The following TIMP2 variants were observed in gnomAD, a reference collection of about 807,000 sequenced individuals.
TIMP2 encodes the protein metalloproteinase inhibitor 2.
In TIMP2, 5 loss-of-function variants were observed where a neutral mutation model predicts 24.3. The ratio of observed to expected loss-of-function variants is 0.21; its 90% confidence interval spans 0.11 to 0.43. TIMP2 has a LOEUF of 0.43. Among genes scored for constraint, TIMP2 ranks in the 20% least tolerant of loss-of-function variants. TIMP2 has a pLI of 1.00. For missense variants in TIMP2, 221 were observed against 297.5 expected (o/e 0.74, Z 1.89); for synonymous variants, 130 against 123.2 (o/e 1.06, Z -0.37).
intron 1 of TIMP2, among the ~76,000 whole-genome samples, chr17:78,911,646 G>A (rs972876604): frequency 1.3e-5 from 2 of 151,896 alleles, no homozygotes; most frequent in African/African-American, 2.4e-5. Context: ...GGCCAGGCTT[G>A]TTTCAAATTC....
intron 3 of TIMP2, among the ~76,000 whole-genome samples, chr17:78,860,287 C>T (rs2069557746): frequency 6.6e-6 from 1 of 152,224 alleles, no homozygotes; most frequent in Non-Finnish European, 1.5e-5. Flanking sequence ...CTGGCAGAGA[C>T]TGATGGGCAA....
intron 1 of TIMP2, among the ~76,000 whole-genome samples, chr17:78,890,234 C>T (rs2069867855): frequency 1.4e-5 from 2 of 147,126 alleles, no homozygotes; most frequent in African/African-American, 5.1e-5. Flanking sequence ...ACGAGTCTCA[C>T]TCTGTCACCC....
chr17:78,892,069 G>T (rs749012703), intron 1 of TIMP2: 1 of 1,551,720 alleles, frequency 6.4e-7, no homozygotes, highest in South Asian at 1.2e-5. Context: ...CATTTTCCCT[G>T]GCCCGTCCTC....
At position 78,925,277 on chromosome 17, in the gene TIMP2, G is replaced by C. The variant is rs2070342453; in HGVS notation, c.-189C>G. 6.7e-6 allele frequency: 1 copy of C among 150,116 alleles called. No homozygotes were observed. Among genetic ancestry groups the C allele is most frequent in the Admixed American group, 6.6e-5 (1 of 15,046 alleles). 9.3% of individuals were successfully genotyped at this position (150,116 alleles called of 1,614,324 possible). ...TCTCCTCTTTGTCTCGGGGGCGCGA[G>C]GGGAGGGGCGCGGGGCGCAATTCGC... On this transcript the variant is annotated 5_prime_UTR_variant, in exon 1 of 5. Coordinates refer to ENST00000262768, the MANE Select transcript of TIMP2 (RefSeq NM_003255.5).
rs773173015 is a variant in TIMP2 at position 78,890,627 on chromosome 17, G to T, written c.131-16708C>A. 3.1e-5 allele frequency: 48 copies of T among 1,546,816 alleles called. 1 individual carries two copies. The South Asian group carries it at 4.9e-4, about 16-fold the overall frequency. Reference sequence around the variant, plus strand: ...TCAGTGATGTATTTACCCCGGGTGGGCCTCTCGCATTTAGCATATGTTCTG... The same window carrying T: ...TCAGTGATGTATTTACCCCGGGTGGTCCTCTCGCATTTAGCATATGTTCTG... On this transcript the variant is annotated intron_variant, in intron 1 of 4. Transcript: ENST00000262768.
rs1298879275 is a variant in TIMP2 at position 78,925,153 on chromosome 17, C to T, written c.-65G>A. On this transcript the variant is annotated 5_prime_UTR_variant, in exon 1 of 5. Transcript: ENST00000262768. ...GGGGTCCGGGCGCTGCTCGCGGCGG[C>T]GGGCTGGGGGCGCGGGCGGGGGCTG... is the stretch of plus-strand genomic sequence containing the variant. 3.3e-6 allele frequency: 2 copies of T among 609,850 alleles called. No individual in the cohort carries two copies. The highest frequency in any genetic ancestry group is 4.0e-6 in the Non-Finnish European group (2 of 494,360). The allele number at this position is 609,850 out of a possible 1,614,324, so 37.8% of individuals were successfully genotyped here.
In TIMP2 at chr17:78,896,823, A is replaced by T; in HGVS notation, c.131-22904T>A. On this transcript the variant is annotated intron_variant, in intron 1 of 4. Transcript: ENST00000262768. This position sits in a 1 kb window ranked among gnomAD's most constrained non-coding sequence, Gnocchi z 4.4. Reference sequence around the variant, plus strand: ...GGCCCATTCTCCTCTCTTGCTCTCTACAGCCCCGTGGCCCCAGCGCAGGAG... The same window carrying T: ...GGCCCATTCTCCTCTCTTGCTCTCTTCAGCCCCGTGGCCCCAGCGCAGGAG... 1.6e-6 allele frequency: 1 copy of T among 640,838 alleles called. No individual in the cohort carries two copies. Among genetic ancestry groups the T allele is most frequent in the Non-Finnish European group, 1.9e-6 (1 of 515,576 alleles). 39.7% of individuals were successfully genotyped at this position (640,838 alleles called of 1,614,324 possible). A position where few individuals can be genotyped will look rare whatever the true frequency, so the allele number is the denominator to read the frequency against.
At chr17:78,893,515 G>A (rs928110162) in intron 1 of TIMP2, among the ~76,000 whole-genome samples, 2 of 147,714 alleles carry the variant, frequency 1.4e-5, no homozygotes, top group Admixed American at 6.6e-5. Context: ...GGGTGTGTGC[G>A]TGTGCACATC....
At chr17:78,904,540 G>T (rs1175370360) in intron 1 of TIMP2, 1 of 152,154 alleles carries the variant, frequency 6.6e-6, no homozygotes, top group African/African-American at 2.4e-5. Flanking sequence ...TCAGGGAAGG[G>T]AGGCATTCTC....
chr17:78,902,478 G>A (rs2070109704), intron 1 of TIMP2, among the ~76,000 whole-genome samples: 2 of 152,148 alleles, frequency 1.3e-5, no homozygotes, highest in South Asian at 4.1e-4. Context: ...AATGAGTCCT[G>A]GCTAGGCCCA....
At chr17:78,874,048 G>A (rs2069708509) in intron 1 of TIMP2, 129 bp from the exon 2 acceptor site, 11 of 722,836 alleles carry the variant, frequency 1.5e-5, no homozygotes, top group Non-Finnish European at 2.5e-5. Context: ...GTGCGAGACG[G>A]GCAAGGGGCA....
intron 3 of TIMP2, among the ~76,000 whole-genome samples, chr17:78,869,656 C>CA (rs915361457): frequency 1.2e-4 from 18 of 149,932 alleles, no homozygotes; most frequent in Non-Finnish European, 1.9e-4. Context: ...ACTAAAAATA[C>CA]AAAAAAAAAT....
intron 2 of TIMP2, among the ~76,000 whole-genome samples, chr17:78,871,465 A>AG (rs1369071495): frequency 7.5e-6 from 1 of 133,334 alleles, no homozygotes; most frequent in Non-Finnish European, 1.6e-5. Context: ...AAAAAAAAAA[A>AG]AAAAAGAAAA....
intron 3 of TIMP2, among the ~76,000 whole-genome samples, chr17:78,857,940 C>T (rs2069538220): frequency 6.6e-6 from 1 of 152,024 alleles, no homozygotes; most frequent in African/African-American, 2.4e-5. Context: ...TGTGGTGTCA[C>T]ACGCCTGTAA....
intron 3 of TIMP2, among the ~76,000 whole-genome samples, chr17:78,865,196 G>A (rs895471682): frequency 5.3e-5 from 8 of 152,290 alleles, no homozygotes; most frequent in African/African-American, 7.2e-5. Context: ...TCATGGAGAC[G>A]AAGTAGAAAG....
At chr17:78,895,043 G>C (rs929953769) in intron 1 of TIMP2, among the ~76,000 whole-genome samples, 9 of 152,188 alleles carry the variant, frequency 5.9e-5, no homozygotes, top group Non-Finnish European at 1.2e-4. Flanking sequence ...CACACTGGGA[G>C]GCTGAGGCGG....
chr17:78,912,392 C>T (rs879727742), intron 1 of TIMP2, among the ~76,000 whole-genome samples: 1 of 152,128 alleles, frequency 6.6e-6, no homozygotes, highest in Admixed American at 6.5e-5. Flanking sequence ...CAATCTCTCC[C>T]GATTACAGAT....
At chr17:78,915,284 C>T (rs536347974) in intron 1 of TIMP2, among the ~76,000 whole-genome samples, 2 of 152,288 alleles carry the variant, frequency 1.3e-5, no homozygotes, top group African/African-American at 4.8e-5. Context: ...TGTCTGCTCA[C>T]TCTGTTGCGG....
chr17:78,861,484 A>C lies in TIMP2; in HGVS notation c.341-3838T>G, dbSNP rs369331474. Among the ~76,000 whole-genome samples, 26 of 152,252 alleles carry C rather than the reference A, an allele frequency of 1.7e-4. No homozygotes were observed. The East Asian group carries it at 3.9e-3, about 23-fold the overall frequency. Reference sequence around the variant, plus strand: ...AGACACACCCGTGCTTGTTCTAATGATATGCTTCACATTCTGCCTTTTCCT... The same window carrying C: ...AGACACACCCGTGCTTGTTCTAATGCTATGCTTCACATTCTGCCTTTTCCT... On this transcript the variant is annotated intron_variant, in intron 3 of 4. Coordinates refer to ENST00000262768, the MANE Select transcript of TIMP2 (RefSeq NM_003255.5).
Sources: gnomAD v4.1 joint callset for allele counts (sites outside exome capture counted in the v4.1 genomes callset) on GRCh38, gnomAD v4.1.1 for gene constraint, Gnocchi (gnomAD v3.1) non-coding constraint, MANE v1.5 for transcripts, NCBI Gene and HGNC (gene_info 2026-07-23, HGNC 2026-07-21) for gene names.